The following XPO4 variants were observed in gnomAD, a reference collection of about 807,000 sequenced individuals.
XPO4 encodes exportin-4.
A neutral mutation model predicts 143.0 loss-of-function variants in XPO4; 39 were observed. The ratio of observed to expected loss-of-function variants is 0.27; its 90% CI spans 0.21 to 0.36. The LOEUF (loss-of-function observed/expected upper bound fraction) is 0.36, where lower values mean the gene tolerates loss of function less well. Ranked by LOEUF, XPO4 falls within the 10% of genes least tolerant of loss-of-function variation. The probability of loss-of-function intolerance (pLI) is 1.00; values close to 1 mark genes in which losing one functional copy is unlikely to be tolerated. For synonymous variants in XPO4, 439 were observed against 474.0 expected (o/e 0.93, Z 0.96); for missense variants, 907 against 1,348.0 (o/e 0.67, Z 5.12).
intron 5 of XPO4, among the ~76,000 whole-genome samples, chr13:20,843,385 A>G (rs1487212486): frequency 6.6e-6 from 1 of 152,228 alleles, no homozygotes; most frequent in Non-Finnish European, 1.5e-5. Context: ...GAGCCAAACA[A>G]TACATACAAG....
At chr13:20,786,313 A>G (rs939344505) in intron 22 of XPO4, among the ~76,000 whole-genome samples, 46 of 149,422 alleles carry the variant, frequency 3.1e-4, no homozygotes, top group Admixed American at 5.4e-4. Context: ...GTGTGTATAT[A>G]TATATATATA....
intron 1 of XPO4, among the ~76,000 whole-genome samples, chr13:20,872,413 C>A (rs1408866623): frequency 6.6e-6 from 1 of 152,194 alleles, no homozygotes; most frequent in Non-Finnish European, 1.5e-5. Context: ...GCCCCCTACC[C>A]TTCCTTTTAT....
chr13:20,796,814 T>C lies in XPO4; in HGVS notation c.2566A>G (p.Ile856Val), dbSNP rs1297733849. 1 of 1,613,942 alleles carries C rather than the reference T, an allele frequency of 6.2e-7. No individual in the cohort carries two copies. Among genetic ancestry groups the C allele is most frequent in the Non-Finnish European group, 8.5e-7 (1 of 1,179,964 alleles). The change falls in exon 17 of 23, where the codon ATA becomes GTA. Residue 856 changes from isoleucine (I) to valine (V), a missense_variant. Coordinates refer to ENST00000255305, the MANE Select transcript of XPO4 (RefSeq NM_022459.5). ...KNTPETVNLI[I>V]EVFVEVAHKQ... ...TGTGCAACTTCAACAAAAACTTCTA[T>C]AATGAGATTGACAGTCTCTGGGGTA...
chr13:20,785,912 A>G (rs2059197485), intron 22 of XPO4, among the ~76,000 whole-genome samples: 1 of 149,094 alleles, frequency 6.7e-6, no homozygotes. Context: ...GGAGGGAGGA[A>G]GGAAGGAAGA....
chr13:20,868,392 A>C (rs929204187), intron 2 of XPO4: 1 of 804,818 alleles, frequency 1.2e-6, no homozygotes, highest in Non-Finnish European at 1.7e-6. Flanking sequence ...TCTAGGGGGG[A>C]AAAATCCAAA....
chr13:20,783,803 C>T lies in XPO4; in HGVS notation c.3375G>A (p.Leu1125=). ...AGAAGGCCATCTTCTGCTTCCGATCCAGCGTAGGAGGAGTGCTGCTTGCAG... is the reference window on the plus strand; with the variant it reads ...AGAAGGCCATCTTCTGCTTCCGATCTAGCGTAGGAGGAGTGCTGCTTGCAG... ...KLTASSTPPT[L]DRKQKMAFLK... is the part of the protein sequence containing the mutation. The change falls in exon 23 of 23, where the codon CTG becomes CTA. Residue 1125 remains leucine (L), a synonymous_variant. Coordinates refer to ENST00000255305, the MANE Select transcript of XPO4 (RefSeq NM_022459.5). The T allele has an allele frequency of 6.2e-7, 1 of 1,614,212 alleles. No homozygotes were observed. The highest frequency in any genetic ancestry group is 8.5e-7 in the Non-Finnish European group (1 of 1,180,040).
intron 1 of XPO4, among the ~76,000 whole-genome samples, chr13:20,890,816 A>C (rs2060506605): frequency 6.6e-6 from 1 of 151,058 alleles, no homozygotes; most frequent in Non-Finnish European, 1.5e-5. Flanking sequence ...AAAAAAAAAA[A>C]AAAGGAGCAG....
intron 1 of XPO4, among the ~76,000 whole-genome samples, chr13:20,874,842 A>C (rs990307462): frequency 2.0e-5 from 3 of 152,098 alleles, no homozygotes; most frequent in African/African-American, 7.2e-5. Context: ...AAAATACAAA[A>C]ATTAGCCGGG....
At chr13:20,802,385 C>G (rs1383275219) in intron 13 of XPO4, among the ~76,000 whole-genome samples, 1 of 152,144 alleles carries the variant, frequency 6.6e-6, no homozygotes, top group African/African-American at 2.4e-5. Flanking sequence ...ACTTCCTATA[C>G]CACCAGTGCT....
At chr13:20,788,704 C>A (rs2059239492) in intron 19 of XPO4, 88 bp from the exon 20 acceptor site, 2 of 1,236,244 alleles carry the variant, frequency 1.6e-6, no homozygotes, top group East Asian at 2.6e-5. Context: ...AACTGACAAG[C>A]TTCTAAATAT....
chr13:20,887,387 TACA>T (rs1230624145), intron 1 of XPO4, among the ~76,000 whole-genome samples: 2 of 152,170 alleles, frequency 1.3e-5, no homozygotes, highest in African/African-American at 2.4e-5. Context: ...ATTAAAACAT[TACA>T]ACATTACACT....
intron 1 of XPO4, among the ~76,000 whole-genome samples, chr13:20,896,683 G>A (rs918866292): frequency 4.6e-5 from 7 of 151,744 alleles, no homozygotes; most frequent in Admixed American, 6.6e-5. Flanking sequence ...ATCATTTTTT[G>A]GCCTTTCTTT....
At position 20,780,432 on chromosome 13, in the gene XPO4, G is replaced by A. The variant is rs991202288; in HGVS notation, c.*3290C>T. ...AAGTATTAACAGAAATGGGAAACAT[G>A]GTGATATTACAACTATAAAGACTTG... On this transcript the variant is annotated 3_prime_UTR_variant, in exon 23 of 23. Coordinates refer to ENST00000255305, the MANE Select transcript of XPO4 (RefSeq NM_022459.5). 1 of 152,126 alleles carries A rather than the reference G, an allele frequency of 6.6e-6. No individual in the cohort carries two copies. The highest frequency in any genetic ancestry group is 2.4e-5 in the African/African-American group (1 of 41,418). 9.4% of individuals were successfully genotyped at this position (152,126 alleles called of 1,614,324 possible).
At chr13:20,899,270 C>T (rs1285127319) in intron 1 of XPO4, among the ~76,000 whole-genome samples, 1 of 150,098 alleles carries the variant, frequency 6.7e-6, no homozygotes, top group Non-Finnish European at 1.5e-5. Context: ...CATATTTAGA[C>T]ATTTTCCATC....
intron 3 of XPO4, among the ~76,000 whole-genome samples, chr13:20,858,439 T>G (rs1595137594): frequency 6.6e-6 from 1 of 152,140 alleles, no homozygotes; most frequent in Admixed American, 6.5e-5. Flanking sequence ...GTAAAAAATG[T>G]ACATATACAT....
intron 6 of XPO4, among the ~76,000 whole-genome samples, chr13:20,834,542 C>T (rs1329024138): frequency 6.6e-6 from 1 of 151,248 alleles, no homozygotes; most frequent in Non-Finnish European, 1.5e-5. Flanking sequence ...CCCTGCACTC[C>T]AGCCTGGGCA....
At chr13:20,882,105 G>A in intron 1 of XPO4, among the ~76,000 whole-genome samples, 1 of 93,090 alleles carries the variant, frequency 1.1e-5, no homozygotes, top group Non-Finnish European at 2.2e-5. Context: ...GTAAGACTCG[G>A]TCTCAAAAAA....
At chr13:20,821,997 T>C (rs986574575) in intron 8 of XPO4, 119 bp from the exon 9 acceptor site, 11 of 1,372,048 alleles carry the variant, frequency 8.0e-6, no homozygotes, top group Non-Finnish European at 2.0e-6. Context: ...TGTCTCTGTT[T>C]ATTAATTTCA....
chr13:20,863,786 G>A (rs2060222363), intron 2 of XPO4, among the ~76,000 whole-genome samples: 1 of 152,156 alleles, frequency 6.6e-6, no homozygotes, highest in Non-Finnish European at 1.5e-5. Context: ...CACTGGACAT[G>A]CATATCTGAA....
Sources: gnomAD v4.1 joint callset for allele counts (sites outside exome capture counted in the v4.1 genomes callset) on GRCh38, gnomAD v4.1.1 for gene constraint, MANE v1.5 for transcripts, NCBI Gene and HGNC (gene_info 2026-07-23, HGNC 2026-07-21) for gene names.